Variants in SCLT1 observed in about 807,000 individuals in gnomAD.
The protein encoded by SCLT1 is sodium channel-associated protein 1.
In SCLT1, 78 loss-of-function variants were observed where a neutral mutation model predicts 112.8. The ratio of observed to expected loss-of-function variants is 0.69; its 90% CI spans 0.58 to 0.83. The LOEUF (loss-of-function observed/expected upper bound fraction) is 0.83, where lower values mean the gene tolerates loss of function less well. Among genes scored for constraint, SCLT1 ranks in the 40% least tolerant of loss-of-function variants. The pLI is 0.00. For missense variants in SCLT1, 747 were observed against 770.4 expected, an observed-to-expected ratio of 0.97 and a Z score of 0.36; for synonymous variants, 257 against 254.7, an observed-to-expected ratio of 1.01 and a Z score of -0.09.
At chr4:128,909,695 G>A (rs1328532415) in intron 18 of SCLT1, among the ~76,000 whole-genome samples, 1 of 152,176 alleles carries the variant, frequency 6.6e-6, no homozygotes, top group African/African-American at 2.4e-5. Context: ...CAAGAACAGT[G>A]CCTGCTCAAT....
chr4:128,877,386 A>T lies in SCLT1; in HGVS notation n.226-750T>A, dbSNP rs529826702. Among the ~76,000 whole-genome samples the T allele has an allele frequency of 1.4e-3, 212 of 152,290 alleles. 1 individual carries two copies. The highest frequency in any genetic ancestry group is 4.8e-3 in the African/African-American group (201 of 41,572). On this transcript the variant is annotated intron_variant and non_coding_transcript_variant, in intron 3 of 7. Coordinates refer to the SCLT1 transcript ENST00000503565. ...GCTGTACTGCCTCTCAGAATATAAA[A>T]ATAGTTCACACATGGCCGGGTGCAG...
chr4:129,083,734 A>G (rs1178642198), intron 1 of SCLT1, among the ~76,000 whole-genome samples: 2 of 152,178 alleles, frequency 1.3e-5, no homozygotes, highest in Non-Finnish European at 2.9e-5. Flanking sequence ...GAAGTGAACA[A>G]TAGTGAAAAT....
rs1299357296 is a variant in SCLT1, at chr4:128,898,553, T to C, written c.1830-7416A>G. ...GTAGAGGGAAATTTATAGCACTAAA[T>C]GCCCACAAGAGAAAGCAGGAAAGAT... On this transcript the variant is annotated intron_variant, in intron 18 of 20. Transcript: ENST00000281142. Among the ~76,000 whole-genome samples the C allele has an allele frequency of 6.6e-5, 10 of 152,180 alleles. No homozygotes were observed. The East Asian group carries it at 1.9e-3, about 29-fold the overall frequency.
intron 5 of SCLT1, among the ~76,000 whole-genome samples, chr4:129,029,566 T>C (rs1028858472): frequency 4.6e-5 from 7 of 151,130 alleles, no homozygotes; most frequent in Non-Finnish European, 1.0e-4. Flanking sequence ...TTAGGAGATA[T>C]ACCTAATGCT....
intron 4 of SCLT1, chr4:129,041,681 T>C (rs1747707700): frequency 1.3e-5 from 2 of 152,180 alleles, no homozygotes; most frequent in Non-Finnish European, 2.9e-5. Flanking sequence ...AGAAAGTGCT[T>C]AGTGTCTGCC....
rs369317533 is a variant in SCLT1, at chr4:128,904,337, TACTC to T, written c.1830-13204_1830-13201del. ...TTCATGTTTATGTGACAGAAAATCT[TACTC>T]ATCCTTACAAAACATAATTTAGAAA... On this transcript the variant is annotated intron_variant, in intron 18 of 20. Coordinates refer to ENST00000281142, the MANE Select transcript of SCLT1 (RefSeq NM_144643.4). Among the ~76,000 whole-genome samples, 540 of 152,284 alleles carry T rather than the reference TACTC, an allele frequency of 3.5e-3. 4 individuals are homozygous for T. Among genetic ancestry groups the T allele is most frequent in the African/African-American group, 0.013 (522 of 41,568 alleles).
intron 2 of SCLT1, among the ~76,000 whole-genome samples, chr4:129,050,387 T>C (rs1748664003): frequency 6.6e-6 from 1 of 152,070 alleles, no homozygotes; most frequent in African/African-American, 2.4e-5. Context: ...TACACAAACT[T>C]GCCAGCATCT....
downstream of SCLT1, among the ~76,000 whole-genome samples, chr4:128,881,389 T>C (rs1244600452): frequency 6.6e-6 from 1 of 152,226 alleles, no homozygotes; most frequent in Non-Finnish European, 1.5e-5. Flanking sequence ...GAGAGTTGGT[T>C]TGGCAAGACT....
chr4:129,004,125 TAG>T (rs533826928), intron 5 of SCLT1, among the ~76,000 whole-genome samples: 258 of 151,052 alleles, frequency 1.7e-3, no homozygotes, highest in African/African-American at 5.6e-3. Context: ...CAGTTTGTCC[TAG>T]AGAGGTTTCA....
chr4:129,035,236 T>G (rs1435427252), intron 5 of SCLT1, among the ~76,000 whole-genome samples: 1 of 152,142 alleles, frequency 6.6e-6, no homozygotes, highest in Non-Finnish European at 1.5e-5. Context: ...AATCATAGTT[T>G]AAAAATGGCT....
At chr4:129,048,660 A>G (rs1028232602) in intron 2 of SCLT1, among the ~76,000 whole-genome samples, 1 of 152,228 alleles carries the variant, frequency 6.6e-6, no homozygotes, top group Non-Finnish European at 1.5e-5. Flanking sequence ...GCTTCTGCAT[A>G]GCAAAAGAAA....
At chr4:129,065,305 CTTTTCAT>C (rs1331462353) in intron 2 of SCLT1, among the ~76,000 whole-genome samples, 2 of 150,398 alleles carry the variant, frequency 1.3e-5, no homozygotes, top group Non-Finnish European at 3.0e-5. Context: ...TTTTTCTATC[CTTTTCAT>C]TTTGAACCAC....
At chr4:128,895,038 C>T (rs983315563) in intron 18 of SCLT1, among the ~76,000 whole-genome samples, 2 of 152,190 alleles carry the variant, frequency 1.3e-5, no homozygotes, top group African/African-American at 4.8e-5. Flanking sequence ...TTTGATACGT[C>T]TCTTGCATCT....
chr4:128,971,144 A>G (rs967898768), intron 9 of SCLT1: 2 of 152,172 alleles, frequency 1.3e-5, no homozygotes, highest in African/African-American at 4.8e-5. Flanking sequence ...GATTTTTAAT[A>G]TCATCATAAT....
chr4:128,954,515 G>C lies in SCLT1; in HGVS notation c.1147-1675C>G, dbSNP rs183361718. On this transcript the variant is annotated intron_variant, in intron 13 of 20. Coordinates refer to ENST00000281142, the MANE Select transcript of SCLT1 (RefSeq NM_144643.4). The stretch of plus-strand genomic sequence containing the variant: ...TTTTTAGTAGAGACGGGGTTTCACC[G>C]TGTTAGCCAGGATGGTCTCAGTCTC... Among the ~76,000 whole-genome samples the C allele has an allele frequency of 5.3e-5, 8 of 151,968 alleles. No individual in the cohort carries two copies. The East Asian group carries it at 1.6e-3, about 30-fold the overall frequency.
chr4:128,881,219 T>C (rs1250078847), downstream of SCLT1, among the ~76,000 whole-genome samples: 3 of 152,316 alleles, frequency 2.0e-5, no homozygotes, highest in Admixed American at 2.0e-4. Flanking sequence ...TATGTATGTA[T>C]GTTTTAGGTA....
chr4:128,987,802 C>T (rs1742231995), intron 9 of SCLT1, among the ~76,000 whole-genome samples: 1 of 151,976 alleles, frequency 6.6e-6, no homozygotes, highest in African/African-American at 2.4e-5. Context: ...TTTCCAAACC[C>T]ACAGAAAGAT....
intron 4 of SCLT1, among the ~76,000 whole-genome samples, chr4:128,875,440 C>T (rs1394113981): frequency 6.6e-6 from 1 of 152,028 alleles, no homozygotes; most frequent in African/African-American, 2.4e-5. Flanking sequence ...TTAGTCTTCC[C>T]CACCTGGAGT....
intron 18 of SCLT1, among the ~76,000 whole-genome samples, chr4:128,897,214 A>G (rs1322602589): frequency 2.0e-5 from 3 of 152,276 alleles, no homozygotes; most frequent in Non-Finnish European, 2.9e-5. Context: ...TCCAAGACAC[A>G]TAATTGTCAG....
Sources: allele counts gnomAD v4.1 joint callset (sites outside exome capture counted in the v4.1 genomes callset), GRCh38; gene constraint gnomAD v4.1.1; transcripts MANE v1.5; gene names NCBI Gene and HGNC (gene_info 2026-07-23, HGNC 2026-07-21).